The following COLEC12 variants were observed in gnomAD, a reference collection of about 807,000 sequenced individuals.
The protein encoded by COLEC12 is collectin-12.
Under a neutral mutation model 71.1 loss-of-function variants are expected in COLEC12, and 33 were observed. The ratio of observed to expected loss-of-function variants is 0.46; its 90% CI spans 0.35 to 0.62. The LOEUF (loss-of-function observed/expected upper bound fraction) is 0.62. COLEC12 is among the 20% of genes least tolerant of loss of function. The pLI is 0.00. For synonymous variants in COLEC12, 350 were observed against 353.0 expected (o/e 0.99, Z 0.10); for missense variants, 765 against 916.1 (o/e 0.84, Z 2.13).
intron 2 of COLEC12, among the ~76,000 whole-genome samples, chr18:390,769 A>AC (rs1323413051): frequency 6.6e-6 from 1 of 152,152 alleles, no homozygotes; most frequent in Non-Finnish European, 1.5e-5. Context: ...CCGAAAAAAA[A>AC]AGAAGAAAAA....
chr18:365,748 C>T (rs546643267), intron 2 of COLEC12, among the ~76,000 whole-genome samples: 9 of 152,300 alleles, frequency 5.9e-5, no homozygotes, highest in Admixed American at 2.0e-4. Context: ...TTACCAATAC[C>T]TCCTTGACCC....
At chr18:387,066 T>G (rs1039975998) in intron 2 of COLEC12, among the ~76,000 whole-genome samples, 5 of 152,224 alleles carry the variant, frequency 3.3e-5, no homozygotes, top group African/African-American at 9.6e-5. Context: ...GATCCCTGGA[T>G]GTCTCCAGTC....
At chr18:363,562 A>G (rs1914793631) in intron 2 of COLEC12, among the ~76,000 whole-genome samples, 1 of 152,244 alleles carries the variant, frequency 6.6e-6, no homozygotes, top group African/African-American at 2.4e-5. Context: ...GCCTGGTGGT[A>G]TAGATTCCCA....
intron 2 of COLEC12, among the ~76,000 whole-genome samples, chr18:365,930 C>CG (rs1377256166): frequency 1.3e-5 from 2 of 151,902 alleles, no homozygotes; most frequent in Non-Finnish European, 2.9e-5. Context: ...CTACTCCCCC[C>CG]ACCCCAAGTT....
chr18:482,149 T>C (rs1252028334), intron 1 of COLEC12, among the ~76,000 whole-genome samples: 4 of 149,616 alleles, frequency 2.7e-5, no homozygotes, highest in Non-Finnish European at 4.4e-5. Flanking sequence ...GGAATATCGC[T>C]CTGTTGCTCA....
At chr18:395,058 A>G (rs1444856191) in intron 2 of COLEC12, among the ~76,000 whole-genome samples, 3 of 152,256 alleles carry the variant, frequency 2.0e-5, no homozygotes, top group Admixed American at 6.5e-5. Context: ...CAAGCTTGGC[A>G]TCTGGGACTG....
chr18:449,666 A>G (rs890330011), intron 2 of COLEC12, among the ~76,000 whole-genome samples: 7 of 152,194 alleles, frequency 4.6e-5, no homozygotes, highest in Non-Finnish European at 1.0e-4. Flanking sequence ...TCAATCTGCC[A>G]CCGTGATTCC....
chr18:402,241 TTTCCCGTTGG>T, intron 2 of COLEC12, among the ~76,000 whole-genome samples: 1 of 151,960 alleles, frequency 6.6e-6, no homozygotes, highest in East Asian at 1.9e-4. Context: ...CCTCTAGAGG[TTTCCCGTTGG>T]TTCCTCTATT....
intron 2 of COLEC12, among the ~76,000 whole-genome samples, chr18:460,124 AAC>A (rs1916950108): frequency 6.6e-6 from 1 of 152,216 alleles, no homozygotes. Context: ...AGCACAGTAA[AAC>A]AGTAAGAACG....
intron 3 of COLEC12, among the ~76,000 whole-genome samples, chr18:356,145 G>A (rs1298501131): frequency 6.6e-6 from 1 of 152,198 alleles, no homozygotes; most frequent in Non-Finnish European, 1.5e-5. Flanking sequence ...ATGTGGCTAG[G>A]AAGAAGCAAG....
intron 2 of COLEC12, among the ~76,000 whole-genome samples, chr18:364,201 T>C (rs1441998637): frequency 6.6e-6 from 1 of 152,218 alleles, no homozygotes; most frequent in Non-Finnish European, 1.5e-5. Flanking sequence ...TTATGCATTA[T>C]TTATTTAAAA....
intron 2 of COLEC12, among the ~76,000 whole-genome samples, chr18:438,100 T>C (rs926407141): frequency 2.0e-5 from 3 of 152,178 alleles, no homozygotes; most frequent in African/African-American, 2.4e-5. Flanking sequence ...TAGGTTGTAA[T>C]GTAAAAGCCA....
At chr18:481,325 GGGACCAACCGAT>G (rs74270544) in intron 1 of COLEC12, among the ~76,000 whole-genome samples, 23,071 of 152,080 alleles carry the variant, frequency 0.15, 2,377 homozygotes, top group Middle Eastern at 0.28. Flanking sequence ...ATGGGTAACT[GGGACCAACCGAT>G]GGTTTCGCAG....
At chr18:463,051 G>C (rs1000205460) in intron 2 of COLEC12, among the ~76,000 whole-genome samples, 2 of 152,144 alleles carry the variant, frequency 1.3e-5, no homozygotes, top group Non-Finnish European at 2.9e-5. Flanking sequence ...GGAGAGGGTG[G>C]CAGGTTCTGA....
intron 3 of COLEC12, among the ~76,000 whole-genome samples, chr18:353,679 C>G (rs1458137482): frequency 6.6e-6 from 1 of 152,214 alleles, no homozygotes; most frequent in Admixed American, 6.5e-5. Flanking sequence ...GCACAGAGCT[C>G]CTAGCTGGTG....
Position 347,366 on chromosome 18 carries a change from T to TA in COLEC12, c.281-26dup, listed in dbSNP as rs778405093. The TA allele has an allele frequency of 6.9e-5, 109 of 1,588,170 alleles. No individual in the cohort carries two copies. The African/African-American group carries it at 1.4e-3, about 20-fold the overall frequency. On this transcript the variant is annotated intron_variant, in intron 4 of 9. Transcript: ENST00000400256. ...CCTGGAATAAGAAATATCTGTGACT[T>TA]ATATTGGTGGTATGGAGAAGTGTTC...
chr18:429,612 C>A (rs1303354278), intron 2 of COLEC12, among the ~76,000 whole-genome samples: 1 of 152,146 alleles, frequency 6.6e-6, no homozygotes, highest in African/African-American at 2.4e-5. Flanking sequence ...AAACTGCTGA[C>A]CTCAAGCGAA....
chr18:379,039 C>T (rs372149780), intron 2 of COLEC12, among the ~76,000 whole-genome samples: 5 of 152,194 alleles, frequency 3.3e-5, no homozygotes, highest in Admixed American at 6.5e-5. Context: ...CCCTCCCCAA[C>T]GCAGGGTGCA....
At chr18:358,496 C>T (rs1914674990) in intron 2 of COLEC12, among the ~76,000 whole-genome samples, 1 of 152,168 alleles carries the variant, frequency 6.6e-6, no homozygotes, top group Non-Finnish European at 1.5e-5. Flanking sequence ...ATAAGGAGCG[C>T]ACAACCTAGA....
Sources: allele counts gnomAD v4.1 joint callset (sites outside exome capture counted in the v4.1 genomes callset), GRCh38; gene constraint gnomAD v4.1.1; transcripts MANE v1.5; gene names NCBI Gene and HGNC (gene_info 2026-07-23, HGNC 2026-07-21).